The following RUNX1 variants were observed in gnomAD, a reference collection of about 807,000 sequenced individuals.
The protein encoded by RUNX1 is runt-related transcription factor 1.
In RUNX1, 19 loss-of-function variants were observed where a neutral mutation model predicts 42.8. That is an observed-to-expected ratio of 0.44 (90% CI 0.31 to 0.65). RUNX1 has a LOEUF of 0.65. Ranked by LOEUF, RUNX1 falls within the 30% of genes least tolerant of loss-of-function variation. The pLI, the probability that RUNX1 is intolerant of heterozygous loss-of-function variation, is 0.07. For missense variants in RUNX1, 528 were observed against 672.0 expected (o/e 0.79, Z 2.37); for synonymous variants, 271 against 289.4 (o/e 0.94, Z 0.64).
intron 6 of RUNX1, among the ~76,000 whole-genome samples, chr21:34,852,796 C>A (rs892286187): frequency 6.6e-6 from 1 of 152,144 alleles, no homozygotes; most frequent in Non-Finnish European, 1.5e-5. Flanking sequence ...AAGTCCAAAT[C>A]TGATGAATTC....
At chr21:35,006,348 G>A (rs1243415457) in intron 2 of RUNX1, among the ~76,000 whole-genome samples, 1 of 152,146 alleles carries the variant, frequency 6.6e-6, no homozygotes, top group Non-Finnish European at 1.5e-5. Context: ...TACTTTTCAG[G>A]AAACACAATG....
chr21:34,869,729 G>A (rs1034179040), intron 5 of RUNX1, among the ~76,000 whole-genome samples: 4 of 152,176 alleles, frequency 2.6e-5, no homozygotes, highest in Non-Finnish European at 5.9e-5. Flanking sequence ...AGTCCAAGGC[G>A]AGCTGCCGTG....
chr21:35,046,616 C>T (rs1036712910), intron 2 of RUNX1, among the ~76,000 whole-genome samples: 5 of 152,100 alleles, frequency 3.3e-5, no homozygotes, highest in Non-Finnish European at 4.4e-5. Flanking sequence ...GATGACCAAA[C>T]GGTATCAAAA....
chr21:34,894,811 A>G (rs138597770), intron 2 of RUNX1, among the ~76,000 whole-genome samples: 3 of 151,884 alleles, frequency 2.0e-5, no homozygotes, highest in African/African-American at 4.8e-5. Context: ...CATTTTACAG[A>G]TAAGGAACCT....
intron 2 of RUNX1, among the ~76,000 whole-genome samples, chr21:35,008,745 G>T (rs1451150627): frequency 6.6e-6 from 1 of 152,172 alleles, no homozygotes; most frequent in East Asian, 1.9e-4. Context: ...TCACCGATAT[G>T]GCAGATACCT....
chr21:34,898,716 C>T (rs2058149677), intron 2 of RUNX1, among the ~76,000 whole-genome samples: 1 of 152,150 alleles, frequency 6.6e-6, no homozygotes, highest in African/African-American at 2.4e-5. Flanking sequence ...GTTTTACTCA[C>T]CTTTAAATTC....
At chr21:34,836,880 G>C (rs377472136) in intron 6 of RUNX1, among the ~76,000 whole-genome samples, 2 of 152,220 alleles carry the variant, frequency 1.3e-5, no homozygotes, top group East Asian at 1.9e-4. Flanking sequence ...TGGCAGTTGT[G>C]TCTCTCTTAG....
intron 6 of RUNX1, among the ~76,000 whole-genome samples, chr21:34,846,396 T>C (rs974934370): frequency 1.3e-5 from 2 of 151,740 alleles, no homozygotes; most frequent in Admixed American, 1.3e-4. Flanking sequence ...CTTCCCAGTT[T>C]GGCAGGACAT....
At chr21:34,976,745 C>A (rs905501347) in intron 2 of RUNX1, among the ~76,000 whole-genome samples, 3 of 152,176 alleles carry the variant, frequency 2.0e-5, no homozygotes, top group African/African-American at 7.2e-5. Flanking sequence ...TGCTAGAGCA[C>A]CATGATCAGT....
At position 34,997,871 on chromosome 21, in the gene RUNX1, C is replaced by T. The variant is rs562163367; in HGVS notation, c.58+50971G>A. Among the ~76,000 whole-genome samples the T allele has an allele frequency of 3.3e-5, 5 of 152,252 alleles. No homozygotes were observed. In the South Asian group the frequency reaches 6.2e-4, roughly 19 times the overall value. On this transcript the variant is annotated intron_variant, in intron 2 of 8. Transcript: ENST00000675419. ...CTCTCCCCAACACCCCCAATCTGGG[C>T]GCTTCATTTTGGCCTTTTCTGTGCA...
intron 2 of RUNX1, among the ~76,000 whole-genome samples, chr21:34,979,420 TA>T (rs1169545048): frequency 1.3e-5 from 2 of 152,260 alleles, no homozygotes; most frequent in South Asian, 2.1e-4. Context: ...CAATATTTAT[TA>T]AAAAAATCTT....
At chr21:35,044,267 T>C (rs2059381061) in intron 2 of RUNX1, among the ~76,000 whole-genome samples, 2 of 152,018 alleles carry the variant, frequency 1.3e-5, no homozygotes, top group South Asian at 4.1e-4. Flanking sequence ...GTTCCCAACT[T>C]CCCCTCCCCC....
chr21:35,033,144 T>G (rs1206720559), intron 2 of RUNX1, among the ~76,000 whole-genome samples: 1 of 145,392 alleles, frequency 6.9e-6, no homozygotes, highest in Non-Finnish European at 1.5e-5. Context: ...TTCATTCAAC[T>G]ATCTGTCCAT....
At chr21:34,849,742 T>A (rs527948215) in intron 6 of RUNX1, among the ~76,000 whole-genome samples, 1 of 150,996 alleles carries the variant, frequency 6.6e-6, no homozygotes, top group East Asian at 2.0e-4. Flanking sequence ...TGCCAACTTT[T>A]CATAATTAAT....
chr21:34,958,768 C>A (rs1380671378), intron 2 of RUNX1, among the ~76,000 whole-genome samples: 2 of 151,276 alleles, frequency 1.3e-5, no homozygotes, highest in Non-Finnish European at 3.0e-5. Flanking sequence ...TATTGCGGCA[C>A]TATTCACAAT....
Position 35,008,559 on chromosome 21 carries a change from A to G in RUNX1, c.58+40283T>C, listed in dbSNP as rs1336494603. The stretch of plus-strand genomic sequence containing the variant: ...CAGACCACAGTAGCATTTAAAGAGA[A>G]AAAGGGAAAAGTTAGGTTGTGCACA... On this transcript the variant is annotated intron_variant, in intron 2 of 8. Transcript: ENST00000675419. Among the ~76,000 whole-genome samples, 6 of 152,360 alleles carry G rather than the reference A, an allele frequency of 3.9e-5. No individual in the cohort carries two copies. In the South Asian group the frequency reaches 1.2e-3, roughly 32 times the overall value.
chr21:34,789,592 ACACACACACACG>A lies in RUNX1; in HGVS notation c.*2531_*2542del, dbSNP rs1377994132. 3 of 233,228 alleles carry A rather than the reference ACACACACACACG, an allele frequency of 1.3e-5. No individual in the cohort carries two copies. Among genetic ancestry groups the A allele is most frequent in the Non-Finnish European group, 2.5e-5 (3 of 118,054 alleles). 14.4% of individuals were successfully genotyped at this position (233,228 alleles called of 1,614,324 possible). ...TCAATGAATGCAATTTTTCACACAC[ACACACACACACG>A]CACACACACACACATACAAAAATGT... is the stretch of plus-strand genomic sequence containing the variant. On this transcript the variant is annotated 3_prime_UTR_variant, in exon 9 of 9. Coordinates refer to ENST00000675419, the MANE Select transcript of RUNX1 (RefSeq NM_001754.5).
intron 2 of RUNX1, among the ~76,000 whole-genome samples, chr21:34,957,998 C>T (rs2058656959): frequency 6.6e-6 from 1 of 152,146 alleles, no homozygotes; most frequent in South Asian, 2.1e-4. Context: ...CAAATGCATC[C>T]TTGTAAAGGA....
intron 2 of RUNX1, among the ~76,000 whole-genome samples, chr21:35,047,363 AG>A (rs1422938488): frequency 2.6e-5 from 4 of 152,106 alleles, no homozygotes; most frequent in Non-Finnish European, 5.9e-5. Context: ...CTGCAAGACT[AG>A]TGACTAACGC....
Sources: allele counts gnomAD v4.1 joint callset (sites outside exome capture counted in the v4.1 genomes callset), GRCh38; gene constraint gnomAD v4.1.1; transcripts MANE v1.5; gene names NCBI Gene and HGNC (gene_info 2026-07-23, HGNC 2026-07-21).